The following PLBD2 variants were observed in gnomAD, a reference collection of about 807,000 sequenced individuals.
The protein encoded by PLBD2 is putative aminopeptidase PLBD2.
Under a neutral mutation model 68.3 loss-of-function variants are expected in PLBD2, and 51 were observed. The ratio of observed to expected loss-of-function variants is 0.75; its 90% CI spans 0.60 to 0.94. PLBD2 has a LOEUF of 0.94. Ranked by LOEUF, PLBD2 falls within the 40% of genes least tolerant of loss-of-function variation. The probability of loss-of-function intolerance (pLI) is 0.00; values close to 1 mark genes in which losing one functional copy is unlikely to be tolerated. For missense variants in PLBD2, 729 were observed against 792.2 expected (o/e 0.92, Z 0.96); for synonymous variants, 314 against 339.3 (o/e 0.93, Z 0.82).
Position 113,374,511 on chromosome 12 carries a change from A to C in PLBD2, c.581A>C (p.Asp194Ala). ...LTLLQLKGLE[D>A]SYEGRVSFPA... is the part of the protein sequence containing the mutation. ...CTCCTGCAGCTGAAAGGCCTGGAGG[A>C]CAGCTACGAAGGCCGTGTGAGCTTC... Residue 194 changes from aspartate (D) to alanine (A), a missense_variant, in exon 4 of 12, where the codon GAC becomes GCC. Transcript: ENST00000280800. The C allele has an allele frequency of 6.2e-7, 1 of 1,606,228 alleles. No homozygotes were observed. Among genetic ancestry groups the C allele is most frequent in the Non-Finnish European group, 8.5e-7 (1 of 1,177,110 alleles).
intron 10 of PLBD2, 120 bp from the exon 11 acceptor site, chr12:113,387,624 G>A: frequency 9.0e-7 from 1 of 1,114,476 alleles, no homozygotes; most frequent in East Asian, 2.4e-5. Flanking sequence ...GTGTGCAGTG[G>A]GAGGGGCTCA....
Position 113,384,836 on chromosome 12 carries a change from T to C in PLBD2, c.1119-15T>C, listed in dbSNP as rs747088339. On this transcript the variant is annotated splice_polypyrimidine_tract_variant and intron_variant, in intron 7 of 11. Transcript: ENST00000280800. This position sits in a 1 kb window ranked among gnomAD's most constrained non-coding sequence, Gnocchi z 4.2. The stretch of plus-strand genomic sequence containing the variant: ...CTCCAGGCTCTGTTCAGTCCTCCCT[T>C]CCCCTGCCCGGCAGGTATAACAACC... 9 of 1,611,544 alleles carry C rather than the reference T, an allele frequency of 5.6e-6. No individual in the cohort carries two copies. Among genetic ancestry groups the C allele is most frequent in the Non-Finnish European group, 7.6e-6 (9 of 1,178,116 alleles).
chr12:113,374,557 C>T lies in PLBD2; in HGVS notation c.627C>T (p.Ile209=). ...GCTTCCCAGCTGGGAAGTTCACCAT[C>T]AAACCCTTGGGGTTCCTGTAAGTGC... is the stretch of plus-strand genomic sequence containing the variant. ...RVSFPAGKFT[I]KPLGFLLLQL... Residue 209 remains isoleucine, a synonymous_variant, in exon 4 of 12, where the codon ATC becomes ATT. Coordinates refer to ENST00000280800, the MANE Select transcript of PLBD2 (RefSeq NM_173542.4). 1 of 1,601,306 alleles carries T rather than the reference C, an allele frequency of 6.2e-7. No individual in the cohort carries two copies. Among genetic ancestry groups the T allele is most frequent in the Non-Finnish European group, 8.5e-7 (1 of 1,174,280 alleles).
chr12:113,379,181 G>A (rs1165677646), intron 5 of PLBD2, among the ~76,000 whole-genome samples: 1 of 151,916 alleles, frequency 6.6e-6, no homozygotes, highest in Non-Finnish European at 1.5e-5. Flanking sequence ...GGTGGTAAAT[G>A]CCTGTAATTG....
chr12:113,377,414 T>G (rs990689371), intron 5 of PLBD2, among the ~76,000 whole-genome samples: 1 of 152,080 alleles, frequency 6.6e-6, no homozygotes, highest in Non-Finnish European at 1.5e-5. Context: ...TGTCCTGATT[T>G]CTGTTTTTTG....
chr12:113,386,807 C>A, intron 9 of PLBD2, 130 bp from the exon 10 acceptor site: 1 of 1,115,500 alleles, frequency 9.0e-7, no homozygotes, highest in South Asian at 1.6e-5. Flanking sequence ...GTGTGAGCCA[C>A]TGCACCCAGC....
At position 113,390,030 on chromosome 12, in the gene PLBD2, T is replaced by TA. The variant is rs1215518003; in HGVS notation, c.*1405dup. 1 of 151,908 alleles carries TA rather than the reference T, an allele frequency of 6.6e-6. No individual in the cohort carries two copies. The highest frequency in any genetic ancestry group is 1.5e-5 in the Non-Finnish European group (1 of 68,020). The allele number at this position is 151,908 out of a possible 1,614,324, so 9.4% of individuals were successfully genotyped here. A position where few individuals can be genotyped will look rare whatever the true frequency, so the allele number is the denominator to read the frequency against. On this transcript the variant is annotated 3_prime_UTR_variant, in exon 12 of 12. Transcript: ENST00000280800. ...CTCATTTGTCCATTTTCCATCCACTTACCCACCCACCCATTTACTCATCCA... is the reference window on the plus strand; with the variant it reads ...CTCATTTGTCCATTTTCCATCCACTTAACCCACCCACCCATTTACTCATCCA...
rs145306649 is a variant in PLBD2, at chr12:113,371,808, G to A, written c.385-841G>A. On this transcript the variant is annotated intron_variant, in intron 2 of 11. Coordinates refer to ENST00000280800, the MANE Select transcript of PLBD2 (RefSeq NM_173542.4). ...CAAGGTCAGCCAGCCAGTCCACAGAGGAGGCACCATTCAACCTCAGCTCTG... is the reference window on the plus strand; with the variant it reads ...CAAGGTCAGCCAGCCAGTCCACAGAAGAGGCACCATTCAACCTCAGCTCTG... 6.1e-4 allele frequency among the ~76,000 whole-genome samples: 93 copies of A among 152,352 alleles called. 1 individual carries two copies. Among genetic ancestry groups the A allele is most frequent in the African/African-American group, 2.2e-3 (93 of 41,580 alleles).
intron 6 of PLBD2, among the ~76,000 whole-genome samples, chr12:113,382,870 T>TG (rs1957509023): frequency 7.6e-6 from 1 of 131,840 alleles, no homozygotes; most frequent in Non-Finnish European, 1.6e-5. Flanking sequence ...TGTGTGTGTT[T>TG]TTTTTTTTTT....
chr12:113,384,784 G>A lies in PLBD2; in HGVS notation c.1119-67G>A. 1 of 1,359,188 alleles carries A rather than the reference G, an allele frequency of 7.4e-7. No individual in the cohort carries two copies. The highest frequency in any genetic ancestry group is 1.0e-6 in the Non-Finnish European group (1 of 956,924). The allele number at this position is 1,359,188 out of a possible 1,614,324, so 84.2% of individuals were successfully genotyped here. On this transcript the variant is annotated intron_variant, in intron 7 of 11. Transcript: ENST00000280800. The surrounding 1 kb of genome is among the most constrained non-coding windows in gnomAD (Gnocchi z 4.2). ...GTAATTCCTAGCTGAGTGGGACACT[G>A]CAGGGTGGGGAAAGCTGGGGAGGTG...
At chr12:113,370,534 T>C (rs1397460328) in intron 2 of PLBD2, among the ~76,000 whole-genome samples, 3 of 147,494 alleles carry the variant, frequency 2.0e-5, no homozygotes, top group Admixed American at 7.0e-5. Flanking sequence ...TGGAGTACAG[T>C]GGCGTGATCT....
chr12:113,372,133 C>G lies in PLBD2; in HGVS notation c.385-516C>G, dbSNP rs1030001296. Among the ~76,000 whole-genome samples the G allele has an allele frequency of 6.6e-6, 1 of 151,344 alleles. No homozygotes were observed. The highest frequency in any genetic ancestry group is 1.5e-5 in the Non-Finnish European group (1 of 67,970). On this transcript the variant is annotated intron_variant, in intron 2 of 11. Coordinates refer to ENST00000280800, the MANE Select transcript of PLBD2 (RefSeq NM_173542.4). This position sits in a 1 kb window ranked among gnomAD's most constrained non-coding sequence, Gnocchi z 4.2. The stretch of plus-strand genomic sequence containing the variant: ...GGCAGTGAGTGCTGCCACTCACTCA[C>G]GGGGATGACCAGGCTACGTGGTCTT...
At chr12:113,385,021 G>A (rs1957536763) in intron 8 of PLBD2, 75 bp downstream of exon 8, 9 of 1,452,678 alleles carry the variant, frequency 6.2e-6, no homozygotes, top group East Asian at 4.8e-5. Flanking sequence ...GAGCCGTGCT[G>A]GCGCTGTGCA....
Position 113,387,824 on chromosome 12 carries a change from C to A in PLBD2, c.1520C>A (p.Ala507Asp), listed in dbSNP as rs1016832066. The A allele has an allele frequency of 1.2e-6, 2 of 1,614,230 alleles. No individual in the cohort carries two copies. Among genetic ancestry groups the A allele is most frequent in the Non-Finnish European group, 8.5e-7 (1 of 1,180,022 alleles). Reference protein sequence around the residue: ...PQPNGENAISARSDLNPANGS... With the variant: ...PQPNGENAISDRSDLNPANGS... The stretch of plus-strand genomic sequence containing the variant: ...CCCAATGGGGAGAATGCTATCTCCG[C>A]CCGCTCCGACCTCAACCCGGCCAAT... The change falls in exon 11 of 12, where the codon GCC (alanine) becomes GAC (aspartate). Residue 507 changes from alanine to aspartate, a missense_variant. Physicochemically the swap from Ala to Asp is moderately radical, Grantham distance 126. Coordinates refer to ENST00000280800, the MANE Select transcript of PLBD2 (RefSeq NM_173542.4).
intron 1 of PLBD2, among the ~76,000 whole-genome samples, chr12:113,363,591 T>TG (rs1322855256): frequency 1.4e-5 from 2 of 143,784 alleles, no homozygotes; most frequent in Non-Finnish European, 3.0e-5. Flanking sequence ...CAGGCTGGAG[T>TG]CAGTGGCGCG....
intron 6 of PLBD2, among the ~76,000 whole-genome samples, chr12:113,381,827 A>AT (rs889011824): frequency 4.0e-5 from 6 of 151,210 alleles, no homozygotes; most frequent in South Asian, 2.1e-4. Context: ...TTATTTATTT[A>AT]TTTTTTTTCA....
At chr12:113,368,792 A>G (rs763408566) in intron 1 of PLBD2, among the ~76,000 whole-genome samples, 34 of 152,212 alleles carry the variant, frequency 2.2e-4, no homozygotes, top group Non-Finnish European at 4.6e-4. Flanking sequence ...AGTGACTAGA[A>G]CATGGCGTGG....
chr12:113,364,289 G>A (rs16942762), intron 1 of PLBD2, among the ~76,000 whole-genome samples: 5,571 of 152,296 alleles, frequency 0.037, 149 homozygotes, highest in Middle Eastern at 0.092. Flanking sequence ...GCCACTGGCC[G>A]CTCAGTTACT....
chr12:113,366,822 C>T (rs1349669786), intron 1 of PLBD2, among the ~76,000 whole-genome samples: 1 of 147,412 alleles, frequency 6.8e-6, no homozygotes, highest in Non-Finnish European at 1.5e-5. Flanking sequence ...CCTTCCCTCC[C>T]CTTCTTTTTT....
Sources: allele counts gnomAD v4.1 joint callset (sites outside exome capture counted in the v4.1 genomes callset), GRCh38; gene constraint gnomAD v4.1.1; non-coding constraint Gnocchi (gnomAD v3.1); transcripts MANE v1.5; gene names NCBI Gene and HGNC (gene_info 2026-07-23, HGNC 2026-07-21).